FHOD3: variants seen among roughly 807,000 people sequenced by gnomAD.
FHOD3 encodes the protein formin homology 2 domain containing 3, also known as FH1/FH2 domain-containing protein 3.
Under a neutral mutation model 173.0 loss-of-function variants are expected in FHOD3, and 90 were observed. The observed-to-expected ratio is 0.52, with a 90% confidence interval of 0.44 to 0.62. The LOEUF (loss-of-function observed/expected upper bound fraction) is 0.62, where lower values mean the gene tolerates loss of function less well. Ranked by LOEUF, FHOD3 falls within the 20% of genes least tolerant of loss-of-function variation. The pLI is 0.00. For missense variants in FHOD3, 1,945 were observed against 2,034.7 expected (o/e 0.96, Z 0.85); for synonymous variants, 828 against 823.0 (o/e 1.01, Z -0.10).
At chr18:36,733,134 T>C (rs1166622221) in intron 20 of FHOD3, among the ~76,000 whole-genome samples, 1 of 152,114 alleles carries the variant, frequency 6.6e-6, no homozygotes, top group Non-Finnish European at 1.5e-5. Context: ...TTAGATAAAC[T>C]CCCCCACATT....
intron 5 of FHOD3, among the ~76,000 whole-genome samples, chr18:36,513,714 T>C (rs1426403191): frequency 6.6e-6 from 1 of 151,776 alleles, no homozygotes; most frequent in Non-Finnish European, 1.5e-5. Flanking sequence ...CATCCCTCTT[T>C]CCCCTCTTCT....
At chr18:36,364,912 G>A (rs758594946) in intron 2 of FHOD3, among the ~76,000 whole-genome samples, 1 of 152,122 alleles carries the variant, frequency 6.6e-6, no homozygotes, top group Non-Finnish European at 1.5e-5. Flanking sequence ...GCAGAAGGGT[G>A]GTGGGGGCAG....
At chr18:36,551,223 G>T (rs1222427976) in intron 5 of FHOD3, among the ~76,000 whole-genome samples, 3 of 152,008 alleles carry the variant, frequency 2.0e-5, no homozygotes, top group Admixed American at 1.3e-4. Flanking sequence ...GTTAAACTGG[G>T]GTAAACTGTA....
intron 10 of FHOD3, among the ~76,000 whole-genome samples, chr18:36,636,622 C>T (rs1245093893): frequency 6.6e-6 from 1 of 151,796 alleles, no homozygotes; most frequent in African/African-American, 2.4e-5. Context: ...TTACCATATC[C>T]ACATGGCCCC....
chr18:36,625,770 G>T, intron 10 of FHOD3, 21 bp downstream of exon 10: 1 of 1,574,232 alleles, frequency 6.4e-7, no homozygotes, highest in Non-Finnish European at 8.7e-7. Context: ...ACTTGGCAGT[G>T]GAGAGGGGTG....
intron 5 of FHOD3, among the ~76,000 whole-genome samples, chr18:36,521,835 G>A (rs948583168): frequency 2.0e-5 from 3 of 152,158 alleles, no homozygotes; most frequent in Admixed American, 6.5e-5. Flanking sequence ...TCCTGCCCTC[G>A]TGTGTCGGTG....
At chr18:36,528,549 A>G (rs1221777455) in intron 5 of FHOD3, among the ~76,000 whole-genome samples, 1 of 152,160 alleles carries the variant, frequency 6.6e-6, no homozygotes, top group South Asian at 2.1e-4. Context: ...CAAGGTGACA[A>G]CCTGGATACA....
At chr18:36,400,246 A>G (rs1319018538) in intron 3 of FHOD3, among the ~76,000 whole-genome samples, 1 of 152,258 alleles carries the variant, frequency 6.6e-6, no homozygotes, top group Admixed American at 6.5e-5. Flanking sequence ...TTTACATTCT[A>G]GAAGAGCTCA....
At chr18:36,762,994 TATTATATACGTTATATATGC>T (rs2042954998) in intron 27 of FHOD3, among the ~76,000 whole-genome samples, 1 of 148,318 alleles carries the variant, frequency 6.7e-6, no homozygotes, top group Non-Finnish European at 1.5e-5. Context: ...TATATATGCG[TATTATATACGTTATATATGC>T]GTATTATACA....
At chr18:36,377,795 C>A (rs952959269) in intron 3 of FHOD3, among the ~76,000 whole-genome samples, 1 of 152,180 alleles carries the variant, frequency 6.6e-6, no homozygotes, top group Non-Finnish European at 1.5e-5. Context: ...CTGGGAGACA[C>A]CCCCATCCCA....
At chr18:36,466,017 T>A (rs954595137) in intron 3 of FHOD3, among the ~76,000 whole-genome samples, 1 of 152,174 alleles carries the variant, frequency 6.6e-6, no homozygotes, top group Non-Finnish European at 1.5e-5. Flanking sequence ...CACCTCCTTG[T>A]ATGCCCTTTT....
chr18:36,716,735 G>A (rs900151382), intron 18 of FHOD3, among the ~76,000 whole-genome samples: 1 of 152,146 alleles, frequency 6.6e-6, no homozygotes, highest in Admixed American at 6.5e-5. Context: ...GAGAAGGGTG[G>A]TGGGAGCAAT....
intron 17 of FHOD3, among the ~76,000 whole-genome samples, chr18:36,694,490 A>G (rs1275492827): frequency 1.3e-5 from 2 of 152,214 alleles, no homozygotes; most frequent in Non-Finnish European, 2.9e-5. Flanking sequence ...TGGCTCAGTC[A>G]TGGATGAGTA....
chr18:36,766,658 C>T (rs974468037), intron 27 of FHOD3, among the ~76,000 whole-genome samples: 4 of 152,148 alleles, frequency 2.6e-5, no homozygotes, highest in African/African-American at 7.2e-5. Context: ...GGAATGAAGT[C>T]GTGAGAGAAT....
chr18:36,423,469 G>A (rs117924985), intron 3 of FHOD3, among the ~76,000 whole-genome samples: 5,796 of 152,272 alleles, frequency 0.038, 180 homozygotes, highest in Non-Finnish European at 0.057. Context: ...AATCTGATGA[G>A]AATTCCTAAG....
intron 6 of FHOD3, among the ~76,000 whole-genome samples, chr18:36,589,692 G>T (rs1412370857): frequency 1.3e-5 from 2 of 152,148 alleles, no homozygotes; most frequent in African/African-American, 4.8e-5. Flanking sequence ...CTTAGTAAGT[G>T]GCCGTGCAGA....
At chr18:36,701,037 G>T (rs1163510757) in intron 17 of FHOD3, among the ~76,000 whole-genome samples, 1 of 152,316 alleles carries the variant, frequency 6.6e-6, no homozygotes, top group Middle Eastern at 3.4e-3. Flanking sequence ...AAGCATCTAC[G>T]TGTGCCTCGG....
At chr18:36,315,944 GC>G (rs1366933973) in intron 1 of FHOD3, among the ~76,000 whole-genome samples, 3 of 152,096 alleles carry the variant, frequency 2.0e-5, no homozygotes, top group African/African-American at 7.2e-5. Flanking sequence ...GCCCGCTGCT[GC>G]CACTGCACGC....
At chr18:36,636,454 G>A (rs935161053) in intron 10 of FHOD3, among the ~76,000 whole-genome samples, 5 of 152,166 alleles carry the variant, frequency 3.3e-5, no homozygotes, top group African/African-American at 1.2e-4. Flanking sequence ...AAACTCTGAA[G>A]ATGTACATTG....
Sources: gnomAD v4.1 joint callset for allele counts (sites outside exome capture counted in the v4.1 genomes callset) on GRCh38, gnomAD v4.1.1 for gene constraint, MANE v1.5 for transcripts, NCBI Gene and HGNC (gene_info 2026-07-23, HGNC 2026-07-21) for gene names.